LATS1: variants seen among roughly 807,000 people sequenced by gnomAD.
LATS1 encodes large tumor suppressor kinase 1.
A neutral mutation model predicts 106.6 loss-of-function variants in LATS1; 25 were observed. The observed-to-expected ratio is 0.23, with a 90% confidence interval of 0.17 to 0.33. LATS1 has a LOEUF of 0.33. Among genes scored for constraint, LATS1 ranks in the 10% least tolerant of loss-of-function variants. The probability of loss-of-function intolerance (pLI) is 1.00; values close to 1 mark genes in which losing one functional copy is unlikely to be tolerated. For synonymous variants in LATS1, 465 were observed against 455.6 expected (o/e 1.02, Z -0.26); for missense variants, 1,040 against 1,382.6 (o/e 0.75, Z 3.93).
In LATS1 at chr6:149,684,463, G is replaced by C. The variant is rs1195800540; in HGVS notation, c.626C>G (p.Thr209Arg). The change falls in exon 4 of 8, where the codon ACA (threonine) becomes AGA (arginine). Residue 209 changes from threonine (T) to arginine (R), a missense_variant. Coordinates refer to ENST00000543571, the MANE Select transcript of LATS1 (RefSeq NM_004690.4). ...AYHSESPNSQTDVGRPLSGSG... is the reference protein window; with the variant it reads ...AYHSESPNSQRDVGRPLSGSG... The stretch of plus-strand genomic sequence containing the variant: ...TCCAGACAAAGGTCTTCCTACATCT[G>C]TCTGTGAGTTGGGACTCTCAGAATG... The C allele has an allele frequency of 1.2e-6, 2 of 1,614,080 alleles. No individual in the cohort carries two copies.
At chr6:149,695,676 GAAA>G (rs59803714) in intron 2 of LATS1, among the ~76,000 whole-genome samples, 3 of 134,194 alleles carry the variant, frequency 2.2e-5, no homozygotes, top group Non-Finnish European at 3.3e-5. Context: ...TGCTGTCTTG[GAAA>G]AAAAAAAAAA....
At chr6:149,681,180 A>T (rs1306790889) in intron 4 of LATS1, among the ~76,000 whole-genome samples, 1 of 152,186 alleles carries the variant, frequency 6.6e-6, no homozygotes, top group African/African-American at 2.4e-5. Context: ...TGAAAATATC[A>T]AAAAATAGAT....
chr6:149,660,241 A>G lies in LATS1; in HGVS notation c.*1488T>C. On this transcript the variant is annotated 3_prime_UTR_variant, in exon 8 of 8. Coordinates refer to ENST00000543571, the MANE Select transcript of LATS1 (RefSeq NM_004690.4). ...AACCCCAAAAGACGCACGATAACAC[A>G]GTAGTGGGTTTTCAGGCTGAGCTCT... 4.3e-6 allele frequency: 1 copy of G among 233,078 alleles called. No homozygotes were observed. The highest frequency in any genetic ancestry group is 8.5e-6 in the Non-Finnish European group (1 of 117,956). The allele number at this position is 233,078 out of a possible 1,614,324, so 14.4% of individuals were successfully genotyped here. A position where few individuals can be genotyped will look rare whatever the true frequency, so the allele number is the denominator to read the frequency against.
intron 1 of LATS1, among the ~76,000 whole-genome samples, chr6:149,702,820 C>T (rs924228726): frequency 5.3e-5 from 8 of 151,888 alleles, no homozygotes; most frequent in Non-Finnish European, 7.4e-5. Context: ...TACAGGCACC[C>T]GCCACCACGC....
At chr6:149,669,797 A>G (rs1188521494) in intron 7 of LATS1, among the ~76,000 whole-genome samples, 6 of 151,878 alleles carry the variant, frequency 4.0e-5, no homozygotes, top group African/African-American at 1.5e-4. Context: ...TACAACATAA[A>G]TAGTAGAGAA....
intron 5 of LATS1, among the ~76,000 whole-genome samples, 155 bp from the exon 6 acceptor site, chr6:149,676,892 A>G (rs1781754852): frequency 6.6e-6 from 1 of 152,236 alleles, no homozygotes; most frequent in Non-Finnish European, 1.5e-5. Flanking sequence ...GGTGTTTATT[A>G]CCAATTAGAG....
At chr6:149,662,746 G>C (rs1780938199) in intron 7 of LATS1, among the ~76,000 whole-genome samples, 1 of 151,986 alleles carries the variant, frequency 6.6e-6, no homozygotes, top group South Asian at 2.1e-4. Flanking sequence ...AGGACTGCTT[G>C]AAGCCGGGAA....
intron 5 of LATS1, among the ~76,000 whole-genome samples, chr6:149,679,318 G>C (rs919234240): frequency 6.6e-6 from 1 of 152,030 alleles, no homozygotes; most frequent in Non-Finnish European, 1.5e-5. Context: ...TTGGGTGGCT[G>C]AGACAGGTGG....
chr6:149,702,675 T>C (rs1310430695), intron 1 of LATS1, among the ~76,000 whole-genome samples: 4 of 152,100 alleles, frequency 2.6e-5, no homozygotes, highest in Non-Finnish European at 4.4e-5. Context: ...TTTTATTTTT[T>C]TATTTTTATT....
intron 7 of LATS1, among the ~76,000 whole-genome samples, chr6:149,675,231 A>AAG (rs1212290091): frequency 9.2e-5 from 14 of 151,474 alleles, no homozygotes; most frequent in African/African-American, 2.7e-4. Context: ...AAAAAAAAAA[A>AAG]AGAGAGAATG....
chr6:149,676,779 A>G (rs1354421329), intron 5 of LATS1, 42 bp from the exon 6 acceptor site: 8 of 1,537,380 alleles, frequency 5.2e-6, no homozygotes, highest in Non-Finnish European at 7.1e-6. Flanking sequence ...AACAATGACA[A>G]CAGTAAACCT....
Position 149,683,724 on chromosome 6 carries a change from T to A in LATS1, c.1365A>T (p.Gln455His), listed in dbSNP as rs1226767297. 3 of 1,614,152 alleles carry A rather than the reference T, an allele frequency of 1.9e-6. No homozygotes were observed. Among genetic ancestry groups the A allele is most frequent in the Non-Finnish European group, 2.5e-6 (3 of 1,180,040 alleles). ...PSSGHEIPTWQPNIPVRSNSF... is the reference protein window; with the variant it reads ...PSSGHEIPTWHPNIPVRSNSF... ...AATTTGACCTCACTGGTATGTTAGG[T>A]TGCCATGTAGGGATTTCATGCCCAC... is the stretch of plus-strand genomic sequence containing the variant. Residue 455 changes from glutamine to histidine, a missense_variant, in exon 4 of 8, where the codon CAA becomes CAT. Coordinates refer to ENST00000543571, the MANE Select transcript of LATS1 (RefSeq NM_004690.4).
intron 2 of LATS1, chr6:149,697,051 T>C: frequency 1.3e-6 from 1 of 784,058 alleles, no homozygotes; most frequent in South Asian, 1.4e-5. Context: ...ATGCAGAAAG[T>C]ATGTTGACAT....
intron 7 of LATS1, among the ~76,000 whole-genome samples, chr6:149,666,384 G>A (rs1314081684): frequency 4.6e-5 from 7 of 152,074 alleles, no homozygotes; most frequent in Admixed American, 3.3e-4. Context: ...TTGGGAGGCT[G>A]AGGCGGGCAG....
At position 149,664,689 on chromosome 6, in the gene LATS1, T is replaced by C. The variant is rs141425426; in HGVS notation, c.2884-2451A>G. On this transcript the variant is annotated intron_variant, in intron 7 of 7. Coordinates refer to ENST00000543571, the MANE Select transcript of LATS1 (RefSeq NM_004690.4). ...GTAGATTAGGGGAGAAGATGTAAAT[T>C]TGAAGTACCATTAAACCTGGTGACC... Among the ~76,000 whole-genome samples, 226 of 152,306 alleles carry C rather than the reference T, an allele frequency of 1.5e-3. 1 individual carries two copies. Among genetic ancestry groups the C allele is most frequent in the African/African-American group, 5.3e-3 (220 of 41,568 alleles).
chr6:149,668,987 A>C (rs978914248), intron 7 of LATS1, among the ~76,000 whole-genome samples: 6 of 151,812 alleles, frequency 4.0e-5, no homozygotes, highest in Non-Finnish European at 8.8e-5. Context: ...TGCTAGGCTA[A>C]TTAAAAAAAT....
In LATS1 at chr6:149,713,515, C is replaced by T. The variant is rs572135371; in HGVS notation, c.-141+4334G>A. On this transcript the variant is annotated intron_variant, in intron 1 of 7. Coordinates refer to ENST00000543571, the MANE Select transcript of LATS1 (RefSeq NM_004690.4). ...TTCTCCATGTTGCCTAGGCTGGTCT[C>T]GAATGCCTGACCTCGGGTGATCCAC... Among the ~76,000 whole-genome samples the T allele has an allele frequency of 2.7e-4, 41 of 152,046 alleles. 1 individual carries two copies. The Middle Eastern group carries it at 0.024, about 88-fold the overall frequency.
intron 7 of LATS1, chr6:149,675,820 G>C (rs1181363646): frequency 6.4e-6 from 1 of 156,556 alleles, no homozygotes; most frequent in African/African-American, 2.4e-5. Flanking sequence ...ACCTCCCAAA[G>C]TGGTAGGATT....
At chr6:149,699,482 A>G (rs114175037) in intron 2 of LATS1, among the ~76,000 whole-genome samples, 1 of 152,100 alleles carries the variant, frequency 6.6e-6, no homozygotes, top group Non-Finnish European at 1.5e-5. Flanking sequence ...AATAAAAAAA[A>G]AAAATAAAAT....
Sources: allele counts gnomAD v4.1 joint callset (sites outside exome capture counted in the v4.1 genomes callset), GRCh38; gene constraint gnomAD v4.1.1; transcripts MANE v1.5; gene names NCBI Gene and HGNC (gene_info 2026-07-23, HGNC 2026-07-21).